NR1I2: variants seen among roughly 807,000 people sequenced by gnomAD.
The protein encoded by NR1I2 is orphan nuclear receptor PAR1.
A neutral mutation model predicts 43.3 loss-of-function variants in NR1I2; 42 were observed. The ratio of observed to expected loss-of-function variants is 0.97; its 90% CI spans 0.76 to 1.26. The LOEUF is 1.26. Ranked by LOEUF, NR1I2 falls within the 50% of genes most tolerant of loss-of-function variation. NR1I2 has a pLI of 0.00. For synonymous variants in NR1I2, 229 were observed against 215.0 expected, an observed-to-expected ratio of 1.06 and a Z score of -0.57; for missense variants, 559 against 566.7, an observed-to-expected ratio of 0.99 and a Z score of 0.14.
chr3:119,784,569 C>G (rs1425935043), intron 1 of NR1I2, among the ~76,000 whole-genome samples: 3 of 152,010 alleles, frequency 2.0e-5, no homozygotes, highest in South Asian at 4.1e-4. Flanking sequence ...GTTAGTTTCC[C>G]TCTTTCTGGA....
chr3:119,801,675 C>A (rs2055083678), intron 1 of NR1I2, among the ~76,000 whole-genome samples: 1 of 152,216 alleles, frequency 6.6e-6, no homozygotes. Flanking sequence ...GGATTAAACC[C>A]ACCACTGTTT....
At chr3:119,810,315 C>T (rs1203640629) in intron 3 of NR1I2, 121 bp downstream of exon 3, 2 of 1,410,288 alleles carry the variant, frequency 1.4e-6, no homozygotes, top group Non-Finnish European at 1.9e-6. Flanking sequence ...AACACACGTG[C>T]ACATGTGAGC....
chr3:119,801,030 A>G (rs1054213266), intron 1 of NR1I2, among the ~76,000 whole-genome samples: 5 of 152,170 alleles, frequency 3.3e-5, no homozygotes, highest in Non-Finnish European at 5.9e-5. Flanking sequence ...CTCCCAGCTA[A>G]ATAATGTCAA....
chr3:119,815,659 C>T (rs2055315479), intron 7 of NR1I2, 67 bp from the exon 8 acceptor site: 2 of 1,409,608 alleles, frequency 1.4e-6, no homozygotes, highest in East Asian at 4.8e-5. Flanking sequence ...GAGCAATGCC[C>T]TGACTCTGGG....
intron 1 of NR1I2, among the ~76,000 whole-genome samples, chr3:119,797,121 A>C (rs1482038373): frequency 6.6e-6 from 1 of 151,308 alleles, no homozygotes; most frequent in Non-Finnish European, 1.5e-5. Context: ...TTCATGGAAG[A>C]CCTCCCTTCT....
chr3:119,796,710 G>A (rs1470430327), intron 1 of NR1I2, among the ~76,000 whole-genome samples: 1 of 152,172 alleles, frequency 6.6e-6, no homozygotes, highest in Non-Finnish European at 1.5e-5. Flanking sequence ...TCTCCTGGGG[G>A]CTCCCCCTGG....
intron 3 of NR1I2, 91 bp from the exon 4 acceptor site, chr3:119,811,448 G>A: frequency 7.7e-7 from 1 of 1,291,274 alleles, no homozygotes; most frequent in Non-Finnish European, 1.1e-6. Context: ...AACGGCTTCT[G>A]CTGCCTTGAG....
chr3:119,805,717 C>CCCCCCCA lies in NR1I2; in HGVS notation c.-22-1512_-22-1511insCCCCCCA, dbSNP rs561350711. Among the ~76,000 whole-genome samples the CCCCCCCA allele has an allele frequency of 8.3e-5, 8 of 96,620 alleles. 1 individual carries two copies. Among genetic ancestry groups the CCCCCCCA allele is most frequent in the South Asian group, 3.9e-4 (1 of 2,584 alleles). 63.4% of individuals were successfully genotyped at this position (96,620 alleles called of 152,430 possible). A position where few individuals can be genotyped will look rare whatever the true frequency, so the allele number is the denominator to read the frequency against. ...GACTTGGTCCCCCCCTCCCCCCCAC[C>CCCCCCCA]AAAAAAAAAAGAAAAGAAAAGAAAA... is the stretch of plus-strand genomic sequence containing the variant. On this transcript the variant is annotated intron_variant, in intron 1 of 8. Transcript: ENST00000393716.
At chr3:119,782,965 C>A (rs906937280) in intron 1 of NR1I2, 1 of 871,546 alleles carries the variant, frequency 1.1e-6, no homozygotes, top group Non-Finnish European at 1.9e-6. Flanking sequence ...CAGCCCAGCT[C>A]GGCTGAAGCT....
intron 5 of NR1I2, among the ~76,000 whole-genome samples, chr3:119,813,818 G>A (rs936061365): frequency 2.6e-5 from 4 of 152,094 alleles, no homozygotes; most frequent in African/African-American, 9.7e-5. Flanking sequence ...GTGGACATTG[G>A]GAGATCTTTG....
In NR1I2 at chr3:119,817,309, C is replaced by G. The variant is rs558395060; in HGVS notation, c.*97C>G. ...AAGACAGATGGACACTGCCAAGAGC[C>G]GACAATGCCCTGCTGGCCTGTCTCC... On this transcript the variant is annotated 3_prime_UTR_variant, in exon 9 of 9. Transcript: ENST00000393716. The G allele has an allele frequency of 1.1e-3, 1,811 of 1,597,312 alleles. 1 individual carries two copies. Among genetic ancestry groups the G allele is most frequent in the Admixed American group, 1.6e-3 (96 of 59,472 alleles).
chr3:119,784,793 T>G (rs1469132545), intron 1 of NR1I2, among the ~76,000 whole-genome samples: 2 of 152,232 alleles, frequency 1.3e-5, no homozygotes, highest in African/African-American at 4.8e-5. Flanking sequence ...AAATTCCCAC[T>G]TACACATGTC....
In NR1I2 at chr3:119,815,384, G is replaced by A. The variant is rs752487063; in HGVS notation, c.999G>A (p.Leu333=). The A allele has an allele frequency of 3.1e-6, 5 of 1,613,638 alleles. No individual in the cohort carries two copies. The highest frequency in any genetic ancestry group is 4.2e-6 in the Non-Finnish European group (5 of 1,180,024). ...AATTCCACTACATGCTGAAGAAGCT[G>A]CAGCTGCATGAGGAGGAGTATGTGC... The change falls in exon 7 of 9, where the codon CTG becomes CTA. Residue 333 remains leucine (L), a synonymous_variant. Transcript: ENST00000393716.
intron 6 of NR1I2, 53 bp downstream of exon 6, chr3:119,815,174 T>C (rs1287106497): frequency 1.2e-6 from 2 of 1,612,926 alleles, no homozygotes; most frequent in Non-Finnish European, 1.7e-6. Context: ...ACTGCAGTTA[T>C]GGGAGGAAGG....
Position 119,810,705 on chromosome 3 carries a change from G to C in NR1I2, c.331+511G>C, listed in dbSNP as rs552402100. ...ACCTATTTAACTTTGATATATTTGTGCTCCTAGGTCACTATGAGATTAAGG... is the reference window on the plus strand; with the variant it reads ...ACCTATTTAACTTTGATATATTTGTCCTCCTAGGTCACTATGAGATTAAGG... On this transcript the variant is annotated intron_variant, in intron 3 of 8. Transcript: ENST00000393716. Among the ~76,000 whole-genome samples the C allele has an allele frequency of 8.5e-5, 13 of 152,310 alleles. No individual in the cohort carries two copies. The South Asian group carries it at 2.7e-3, about 32-fold the overall frequency.
chr3:119,805,236 T>G (rs1178337019), intron 1 of NR1I2, among the ~76,000 whole-genome samples: 1 of 152,152 alleles, frequency 6.6e-6, no homozygotes, highest in African/African-American at 2.4e-5. Flanking sequence ...ATTCTAGAAG[T>G]TTTTTTGGTT....
chr3:119,788,819 A>G (rs138168538), intron 1 of NR1I2, among the ~76,000 whole-genome samples: 151 of 152,324 alleles, frequency 9.9e-4, no homozygotes, highest in Non-Finnish European at 1.7e-3. Context: ...TCCTAGCACC[A>G]TAAAGTTGTT....
intron 1 of NR1I2, among the ~76,000 whole-genome samples, chr3:119,788,941 G>T (rs1291193101): frequency 6.6e-6 from 1 of 152,210 alleles, no homozygotes; most frequent in Admixed American, 6.5e-5. Context: ...CAGACCCATA[G>T]CATCAGCTCA....
In NR1I2 at chr3:119,811,649, C is replaced by T. The variant is rs780452746; in HGVS notation, c.442C>T (p.Arg148Trp). ...AGTGCAGGGGCTGACAGAGGAGCAG[C>T]GGATGATGATCAGGGAGCTGATGGA... Residue 148 changes from arginine to tryptophan, a missense_variant, in exon 4 of 9, where the codon CGG becomes TGG. By Grantham distance (101) the Arg-to-Trp change is moderately radical. This residue lies in a region of NR1I2 where 232 missense variants were observed against 236.6 expected (regional missense o/e 0.98). Coordinates refer to ENST00000393716, the MANE Select transcript of NR1I2 (RefSeq NM_003889.4). The T allele has an allele frequency of 1.1e-5, 18 of 1,613,846 alleles. No individual in the cohort carries two copies. The highest frequency in any genetic ancestry group is 2.2e-5 in the East Asian group (1 of 44,884).
Sources: allele counts gnomAD v4.1 joint callset (sites outside exome capture counted in the v4.1 genomes callset), GRCh38; gene constraint gnomAD v4.1.1; regional missense constraint gnomAD v4.1.1; transcripts MANE v1.5; gene names NCBI Gene and HGNC (gene_info 2026-07-23, HGNC 2026-07-21).